ZNF804A: variants seen among roughly 807,000 people sequenced by gnomAD.
The protein encoded by ZNF804A is zinc finger protein 804A.
A neutral mutation model predicts 16.5 loss-of-function variants in ZNF804A; 2 were observed. The ratio of observed to expected loss-of-function variants is 0.12; its 90% CI spans 0.05 to 0.38. ZNF804A has a LOEUF of 0.38. Among genes scored for constraint, ZNF804A ranks in the 10% least tolerant of loss-of-function variants. The probability of loss-of-function intolerance (pLI) is 0.99; values close to 1 mark genes in which losing one functional copy is unlikely to be tolerated. For synonymous variants in ZNF804A, 534 were observed against 489.6 expected (o/e 1.09, Z -1.20); for missense variants, 1,473 against 1,390.7 (o/e 1.06, Z -0.94).
At chr2:184,806,569 C>T (rs1487841921) in intron 1 of ZNF804A, among the ~76,000 whole-genome samples, 1 of 151,434 alleles carries the variant, frequency 6.6e-6, no homozygotes, top group Admixed American at 6.6e-5. Flanking sequence ...GACAAATTGT[C>T]ATGACATAAA....
At chr2:184,678,352 C>T (rs894951956) in intron 1 of ZNF804A, among the ~76,000 whole-genome samples, 2 of 151,968 alleles carry the variant, frequency 1.3e-5, no homozygotes, top group Non-Finnish European at 2.9e-5. Context: ...ATATTCAAAA[C>T]CGAATTAAGT....
intron 1 of ZNF804A, among the ~76,000 whole-genome samples, chr2:184,840,657 A>G (rs1695422677): frequency 6.6e-6 from 1 of 152,176 alleles, no homozygotes; most frequent in Non-Finnish European, 1.5e-5. Flanking sequence ...CCCCTTATTT[A>G]CATATGGCAA....
intron 1 of ZNF804A, among the ~76,000 whole-genome samples, chr2:184,782,629 T>A (rs1395481534): frequency 6.6e-6 from 1 of 150,920 alleles, no homozygotes; most frequent in East Asian, 2.0e-4. Context: ...ACCTTGTGAT[T>A]GTGCCAGTTA....
chr2:184,683,022 T>G (rs1692567272), intron 1 of ZNF804A, among the ~76,000 whole-genome samples: 2 of 152,108 alleles, frequency 1.3e-5, no homozygotes, highest in African/African-American at 4.8e-5. Flanking sequence ...TAAAACAGAG[T>G]GAGACCCTGT....
At chr2:184,882,249 T>C (rs186070308) in intron 2 of ZNF804A, among the ~76,000 whole-genome samples, 3 of 152,046 alleles carry the variant, frequency 2.0e-5, no homozygotes, top group East Asian at 1.9e-4. Flanking sequence ...TACAAGAAGA[T>C]CTAACTATGC....
intron 1 of ZNF804A, among the ~76,000 whole-genome samples, chr2:184,754,334 G>A (rs531922836): frequency 1.3e-5 from 2 of 151,860 alleles, no homozygotes; most frequent in South Asian, 2.1e-4. Flanking sequence ...AACATTTGGG[G>A]TTGATAAATA....
At chr2:184,782,797 A>C (rs1694392076) in intron 1 of ZNF804A, among the ~76,000 whole-genome samples, 1 of 136,226 alleles carries the variant, frequency 7.3e-6, no homozygotes, top group Non-Finnish European at 1.6e-5. Context: ...AACTCTTCTC[A>C]CTCTCTAGAT....
chr2:184,715,961 A>G (rs1387828347), intron 1 of ZNF804A, among the ~76,000 whole-genome samples: 2 of 152,142 alleles, frequency 1.3e-5, no homozygotes, highest in Non-Finnish European at 2.9e-5. Context: ...ATGCTCTAAC[A>G]TTGTTTCACG....
intron 1 of ZNF804A, among the ~76,000 whole-genome samples, chr2:184,772,527 C>A (rs931067195): frequency 2.0e-5 from 3 of 151,570 alleles, no homozygotes; most frequent in East Asian, 1.9e-4. Flanking sequence ...TTTGTTTATT[C>A]ATCAGTTTGG....
intron 1 of ZNF804A, among the ~76,000 whole-genome samples, chr2:184,762,579 G>A (rs1049470977): frequency 1.3e-5 from 2 of 151,676 alleles, no homozygotes; most frequent in African/African-American, 4.8e-5. Context: ...AAGCCAAATA[G>A]CTCACACATT....
At chr2:184,907,411 A>T (rs1027103599) in intron 2 of ZNF804A, among the ~76,000 whole-genome samples, 1 of 152,202 alleles carries the variant, frequency 6.6e-6, no homozygotes, top group Non-Finnish European at 1.5e-5. Flanking sequence ...GCTTATTTAC[A>T]ATAATTCATA....
intron 2 of ZNF804A, among the ~76,000 whole-genome samples, chr2:184,879,479 T>C (rs1684771928): frequency 6.6e-6 from 1 of 152,002 alleles, no homozygotes; most frequent in Non-Finnish European, 1.5e-5. Context: ...ACCGTGCACC[T>C]ATGGTAAATC....
chr2:184,911,657 C>T (rs1400008633), intron 2 of ZNF804A, among the ~76,000 whole-genome samples: 1 of 145,986 alleles, frequency 6.8e-6, no homozygotes, highest in African/African-American at 2.4e-5. Context: ...TTCAGTAGTG[C>T]TTTGTAGTTT....
chr2:184,640,459 T>C (rs1691776910), intron 1 of ZNF804A, among the ~76,000 whole-genome samples: 1 of 152,144 alleles, frequency 6.6e-6, no homozygotes, highest in East Asian at 1.9e-4. Flanking sequence ...TAATTTATTT[T>C]AGAATATAAA....
At chr2:184,824,691 T>A (rs1371165325) in intron 1 of ZNF804A, among the ~76,000 whole-genome samples, 2 of 152,162 alleles carry the variant, frequency 1.3e-5, no homozygotes, top group Non-Finnish European at 2.9e-5. Context: ...GCCTGTAAGT[T>A]AGGAAGGATA....
chr2:184,614,062 G>A (rs763307141), intron 1 of ZNF804A, among the ~76,000 whole-genome samples: 1 of 152,092 alleles, frequency 6.6e-6, no homozygotes, highest in Admixed American at 6.6e-5. Flanking sequence ...AACCAAAACA[G>A]CATGGTACTG....
chr2:184,641,865 G>A (rs1188221508), intron 1 of ZNF804A, among the ~76,000 whole-genome samples: 2 of 152,134 alleles, frequency 1.3e-5, no homozygotes, highest in African/African-American at 4.8e-5. Flanking sequence ...ACTATCTGGA[G>A]TTAGAAAACA....
intron 1 of ZNF804A, among the ~76,000 whole-genome samples, chr2:184,827,571 T>C (rs1009416820): frequency 2.0e-5 from 3 of 150,070 alleles, no homozygotes; most frequent in African/African-American, 7.3e-5. Context: ...ATACCCATGC[T>C]CCTTTGCTGT....
intron 1 of ZNF804A, among the ~76,000 whole-genome samples, chr2:184,748,419 A>G (rs1693828497): frequency 6.6e-6 from 1 of 151,360 alleles, no homozygotes; most frequent in African/African-American, 2.4e-5. Context: ...GGCCCCTTGA[A>G]TGTCTTCTTT....
Sources: gnomAD v4.1 joint callset for allele counts (sites outside exome capture counted in the v4.1 genomes callset) on GRCh38, gnomAD v4.1.1 for gene constraint, MANE v1.5 for transcripts, NCBI Gene and HGNC (gene_info 2026-07-23, HGNC 2026-07-21) for gene names.